The following C8orf34 variants were observed in gnomAD, a reference collection of about 807,000 sequenced individuals.
C8orf34 encodes the protein uncharacterized protein C8orf34.
A neutral mutation model predicts 68.3 loss-of-function variants in C8orf34; 65 were observed. The observed-to-expected ratio is 0.95, with a 90% CI of 0.78 to 1.17. The LOEUF (loss-of-function observed/expected upper bound fraction) is 1.17. Among genes scored for constraint, C8orf34 ranks in the 50% most tolerant of loss-of-function variants. C8orf34 has a pLI of 0.00. For missense variants in C8orf34, 664 were observed against 655.4 expected (o/e 1.01, Z -0.14); for synonymous variants, 244 against 241.2 (o/e 1.01, Z -0.11).
At chr8:68,352,624 C>G (rs985591471) in intron 1 of C8orf34, among the ~76,000 whole-genome samples, 1 of 152,008 alleles carries the variant, frequency 6.6e-6, no homozygotes, top group African/African-American at 2.4e-5. Context: ...GGGACCCTTC[C>G]TACAATTTTT....
chr8:68,606,548 G>A (rs1232956169), intron 7 of C8orf34, among the ~76,000 whole-genome samples: 1 of 152,088 alleles, frequency 6.6e-6, no homozygotes. Context: ...GTCACATACT[G>A]TATTACCTCA....
chr8:68,366,502 A>G (rs1807262978), intron 1 of C8orf34, among the ~76,000 whole-genome samples: 1 of 149,398 alleles, frequency 6.7e-6, no homozygotes, highest in South Asian at 2.1e-4. Context: ...AAACTTTACT[A>G]CAAGGCTACA....
intron 7 of C8orf34, among the ~76,000 whole-genome samples, chr8:68,575,900 C>G (rs56765555): frequency 0.26 from 38,116 of 145,374 alleles, 7,309 homozygotes; most frequent in African/African-American, 0.55. Flanking sequence ...CAAGTTGAAT[C>G]ATAATATATG....
chr8:68,465,492 A>G (rs946759083), intron 3 of C8orf34, among the ~76,000 whole-genome samples: 4 of 151,918 alleles, frequency 2.6e-5, no homozygotes, highest in African/African-American at 9.7e-5. Flanking sequence ...CTATAAAGAC[A>G]CATGCACACG....
intron 1 of C8orf34, among the ~76,000 whole-genome samples, chr8:68,419,981 T>TA (rs201937815): frequency 0.016 from 1,069 of 68,930 alleles, 22 homozygotes; most frequent in East Asian, 0.14. Flanking sequence ...AGTATAATAA[T>TA]AAAAAAAAAA....
At chr8:68,813,239 A>G (rs1188895147) in intron 12 of C8orf34, among the ~76,000 whole-genome samples, 1 of 152,228 alleles carries the variant, frequency 6.6e-6, no homozygotes, top group Non-Finnish European at 1.5e-5. Flanking sequence ...ATAATGGGCT[A>G]TCCCTAGTAT....
At chr8:68,642,800 TG>T (rs1344205829) in intron 8 of C8orf34, among the ~76,000 whole-genome samples, 1 of 152,212 alleles carries the variant, frequency 6.6e-6, no homozygotes, top group African/African-American at 2.4e-5. Flanking sequence ...ACTGGTTTCA[TG>T]GAAGACAATT....
intron 7 of C8orf34, among the ~76,000 whole-genome samples, chr8:68,570,588 C>T (rs1252206167): frequency 2.6e-5 from 4 of 152,136 alleles, no homozygotes; most frequent in South Asian, 2.1e-4. Context: ...GGCCTAGTAT[C>T]GTTGGCACAA....
intron 10 of C8orf34, among the ~76,000 whole-genome samples, chr8:68,769,897 G>T (rs1035106000): frequency 1.3e-5 from 2 of 152,170 alleles, no homozygotes; most frequent in African/African-American, 4.8e-5. Flanking sequence ...TACGTGCTTT[G>T]GTAAGGATAG....
At chr8:68,361,005 T>A (rs1406237462) in intron 1 of C8orf34, among the ~76,000 whole-genome samples, 2 of 152,100 alleles carry the variant, frequency 1.3e-5, no homozygotes, top group Non-Finnish European at 2.9e-5. Flanking sequence ...TCCACCCACC[T>A]TGGCCTCTGA....
At chr8:68,516,265 T>A (rs1814508860) in intron 5 of C8orf34, among the ~76,000 whole-genome samples, 1 of 152,226 alleles carries the variant, frequency 6.6e-6, no homozygotes, top group Non-Finnish European at 1.5e-5. Flanking sequence ...TGTTTTTCAT[T>A]CTTGAGGATT....
chr8:68,468,755 A>G lies in C8orf34; in HGVS notation c.671A>G (p.Asp224Gly), dbSNP rs143049728. 3 of 1,612,806 alleles carry G rather than the reference A, an allele frequency of 1.9e-6. No individual in the cohort carries two copies. The highest frequency in any genetic ancestry group is 2.2e-5 in the South Asian group (2 of 91,002). The change falls in exon 4 of 14, where the codon GAT becomes GGT. Residue 224 changes from aspartate to glycine, a missense_variant. Asp to Gly is a moderately conservative substitution (Grantham distance 94). Coordinates refer to ENST00000518698, the MANE Select transcript of C8orf34 (RefSeq NM_052958.4). ...WRTKPQSRDF[D>G]ELNHILQESK... is the part of the protein sequence containing the mutation. The stretch of plus-strand genomic sequence containing the variant: ...ACTAAACCACAAAGCCGTGATTTTG[A>G]TGAATTGAATCACATCCTTCAGGAG...
rs564459048 is a variant in C8orf34, at chr8:68,439,412, C to T, written c.328-87C>T. 9 of 1,295,050 alleles carry T rather than the reference C, an allele frequency of 6.9e-6. No individual in the cohort carries two copies. The South Asian group carries it at 1.3e-4, about 18-fold the overall frequency. The allele number at this position is 1,295,050 out of a possible 1,614,324, so 80.2% of individuals were successfully genotyped here. A position where few individuals can be genotyped will look rare whatever the true frequency, so the allele number is the denominator to read the frequency against. On this transcript the variant is annotated intron_variant, in intron 1 of 13. Coordinates refer to ENST00000518698, the MANE Select transcript of C8orf34 (RefSeq NM_052958.4). ...TGTATATAAAGCAGTTAGACCAGTACCTGACAATATTACATGCTAAGTAAG... is the reference window on the plus strand; with the variant it reads ...TGTATATAAAGCAGTTAGACCAGTATCTGACAATATTACATGCTAAGTAAG...
chr8:68,712,722 C>A (rs895482346), intron 9 of C8orf34, among the ~76,000 whole-genome samples: 1 of 151,986 alleles, frequency 6.6e-6, no homozygotes, highest in Non-Finnish European at 1.5e-5. Context: ...AGAAATGAGA[C>A]AGATAGCAAC....
At chr8:68,591,716 A>T (rs1424013134) in intron 7 of C8orf34, among the ~76,000 whole-genome samples, 1 of 152,206 alleles carries the variant, frequency 6.6e-6, no homozygotes, top group African/African-American at 2.4e-5. Flanking sequence ...GCACAACTTT[A>T]ACTGCTCTTA....
chr8:68,788,210 A>G (rs1275043496), intron 12 of C8orf34, among the ~76,000 whole-genome samples: 1 of 152,174 alleles, frequency 6.6e-6, no homozygotes, highest in Non-Finnish European at 1.5e-5. Context: ...ATTGTATGTG[A>G]TAATGTAGCC....
Position 68,464,354 on chromosome 8 carries a change from C to T in C8orf34, c.608-4338C>T, listed in dbSNP as rs886611525. ...GCTCATGGGTAGGAAGAATCAAGAT[C>T]GTGAAAATGGCCATACTGCCCAAGG... On this transcript the variant is annotated intron_variant, in intron 3 of 13. Transcript: ENST00000518698. 4.3e-3 allele frequency among the ~76,000 whole-genome samples: 657 copies of T among 152,176 alleles called. 3 individuals are homozygous for T. Among genetic ancestry groups the T allele is most frequent in the African/African-American group, 0.015 (631 of 41,512 alleles).
chr8:68,432,339 T>G (rs138152755), intron 1 of C8orf34, among the ~76,000 whole-genome samples: 1 of 152,104 alleles, frequency 6.6e-6, no homozygotes, highest in African/African-American at 2.4e-5. Flanking sequence ...AAACAGAGTA[T>G]CTCTCTGTTG....
At chr8:68,789,844 TGG>T (rs1424580950) in intron 12 of C8orf34, among the ~76,000 whole-genome samples, 2 of 152,262 alleles carry the variant, frequency 1.3e-5, no homozygotes, top group African/African-American at 4.8e-5. Flanking sequence ...ATTTTAATAT[TGG>T]ATTTATAGTT....
Sources: gnomAD v4.1 joint callset for allele counts (sites outside exome capture counted in the v4.1 genomes callset) on GRCh38, gnomAD v4.1.1 for gene constraint, MANE v1.5 for transcripts, NCBI Gene and HGNC (gene_info 2026-07-23, HGNC 2026-07-21) for gene names.